The following STPG4 variants were observed in gnomAD, a reference collection of about 807,000 sequenced individuals.
STPG4 encodes the protein sperm-tail PG-rich repeat containing 4, also known as protein STPG4.
In STPG4, 41 loss-of-function variants were observed where a neutral mutation model predicts 31.5. The observed-to-expected ratio is 1.30, with a 90% confidence interval of 1.01 to 1.69. STPG4 has a LOEUF of 1.69. Ranked by LOEUF, STPG4 falls within the 40% of genes most tolerant of loss-of-function variation. The pLI, the probability that STPG4 is intolerant of heterozygous loss-of-function variation, is 0.00. For synonymous variants in STPG4, 141 were observed against 103.0 expected, an observed-to-expected ratio of 1.37 and a Z score of -2.24; for missense variants, 375 against 293.4, an observed-to-expected ratio of 1.28 and a Z score of -2.03.
intron 3 of STPG4, among the ~76,000 whole-genome samples, chr2:47,142,821 A>ATAGATT (rs1377791371): frequency 6.8e-6 from 1 of 147,920 alleles, no homozygotes; most frequent in African/African-American, 2.5e-5. Flanking sequence ...ATCAACACAT[A>ATAGATT]TAGATTTATC....
chr2:47,148,051 A>G (rs1686861637), intron 3 of STPG4, among the ~76,000 whole-genome samples: 1 of 151,662 alleles, frequency 6.6e-6, no homozygotes, highest in Non-Finnish European at 1.5e-5. Flanking sequence ...TCCCGGGTTC[A>G]AGCAATTCTC....
At chr2:47,091,095 G>A (rs895881455) in intron 5 of STPG4, among the ~76,000 whole-genome samples, 1 of 124,742 alleles carries the variant, frequency 8.0e-6, no homozygotes, top group African/African-American at 3.0e-5. Flanking sequence ...GGTTAAGAAA[G>A]AACAGAGAGA....
At chr2:47,106,638 T>C (rs191115024) in intron 5 of STPG4, among the ~76,000 whole-genome samples, 68 of 152,064 alleles carry the variant, frequency 4.5e-4, no homozygotes, top group South Asian at 2.9e-3. Context: ...GGGAAGAGTG[T>C]TGTTTTTACA....
At chr2:47,151,636 T>C (rs956725760) in intron 2 of STPG4, 121 bp from the exon 3 acceptor site, 1 of 774,820 alleles carries the variant, frequency 1.3e-6, no homozygotes, top group Non-Finnish European at 2.1e-6. Flanking sequence ...AATGAAATTA[T>C]ATCAAATACA....
intron 5 of STPG4, among the ~76,000 whole-genome samples, chr2:47,110,573 G>A (rs1412581873): frequency 2.0e-5 from 3 of 152,198 alleles, no homozygotes; most frequent in African/African-American, 4.8e-5. Context: ...CAGCCTGGGC[G>A]ACACTGCAAG....
intron 3 of STPG4, among the ~76,000 whole-genome samples, chr2:47,133,678 A>G (rs1213435820): frequency 7.3e-6 from 1 of 136,508 alleles, no homozygotes; most frequent in Non-Finnish European, 1.5e-5. Context: ...CCCGGGTTCA[A>G]GTGATTCTCC....
At chr2:47,133,646 C>G (rs540108953) in intron 3 of STPG4, among the ~76,000 whole-genome samples, 1 of 123,338 alleles carries the variant, frequency 8.1e-6, no homozygotes, top group Non-Finnish European at 1.6e-5. Context: ...GGCGCAATCT[C>G]GGCTCACCAC....
chr2:47,091,602 T>C (rs1372383860), intron 5 of STPG4, among the ~76,000 whole-genome samples: 1 of 152,236 alleles, frequency 6.6e-6, no homozygotes, highest in Non-Finnish European at 1.5e-5. Flanking sequence ...GATCTGTTTC[T>C]AAATAATGCA....
At chr2:47,112,786 T>C (rs1448419151) in intron 5 of STPG4, among the ~76,000 whole-genome samples, 1 of 152,110 alleles carries the variant, frequency 6.6e-6, no homozygotes, top group Non-Finnish European at 1.5e-5. Flanking sequence ...AATTAAAACT[T>C]TTTTGAAAAT....
At chr2:47,098,366 T>C (rs1215947556) in intron 5 of STPG4, among the ~76,000 whole-genome samples, 1 of 152,226 alleles carries the variant, frequency 6.6e-6, no homozygotes, top group Non-Finnish European at 1.5e-5. Flanking sequence ...GAGGTGCTAA[T>C]ATCTCTATTT....
At chr2:47,102,671 C>T (rs1685824894) in intron 5 of STPG4, among the ~76,000 whole-genome samples, 1 of 151,760 alleles carries the variant, frequency 6.6e-6, no homozygotes, top group African/African-American at 2.4e-5. Flanking sequence ...AATGATAATC[C>T]TTTTCTAATC....
At chr2:47,143,401 ATTAT>A (rs938592782) in intron 3 of STPG4, among the ~76,000 whole-genome samples, 1 of 151,884 alleles carries the variant, frequency 6.6e-6, no homozygotes, top group Non-Finnish European at 1.5e-5. Flanking sequence ...TTCCTCTGTA[ATTAT>A]TTATTAGTTG....
intron 5 of STPG4, among the ~76,000 whole-genome samples, chr2:47,128,239 C>G (rs2347609): frequency 0.85 from 129,494 of 152,078 alleles, 56,023 homozygotes; most frequent in South Asian, 0.95. Flanking sequence ...AGCTGAGGGA[C>G]GGGTGACACA....
intron 5 of STPG4, among the ~76,000 whole-genome samples, chr2:47,097,264 A>C (rs1250234969): frequency 1.3e-5 from 2 of 152,204 alleles, no homozygotes; most frequent in African/African-American, 4.8e-5. Flanking sequence ...ATCTTACTCC[A>C]TAGTAACCAA....
At chr2:47,089,204 G>A (rs1685518801) in intron 6 of STPG4, among the ~76,000 whole-genome samples, 1 of 152,210 alleles carries the variant, frequency 6.6e-6, no homozygotes, top group African/African-American at 2.4e-5. Flanking sequence ...GACCCCGTGG[G>A]CTCCGACAAA....
At chr2:47,109,696 A>G (rs892321196) in intron 5 of STPG4, among the ~76,000 whole-genome samples, 3 of 152,208 alleles carry the variant, frequency 2.0e-5, no homozygotes, top group Non-Finnish European at 2.9e-5. Flanking sequence ...TAGCTTCCAA[A>G]TTCCATTCAA....
At chr2:47,107,816 T>C (rs1395353797) in intron 5 of STPG4, among the ~76,000 whole-genome samples, 1 of 152,054 alleles carries the variant, frequency 6.6e-6, no homozygotes, top group Non-Finnish European at 1.5e-5. Context: ...GCACTCTATC[T>C]AGCTCAAGGT....
In STPG4 at chr2:47,142,544, A is replaced by G. The variant is rs1478406423; in HGVS notation, c.399+8714T>C. On this transcript the variant is annotated intron_variant, in intron 3 of 6. Transcript: ENST00000445927. ...AATTTCGAGTTACTTACAAATGGGCATGATTGAAAGAGTATCATTTACACA... is the reference window on the plus strand; with the variant it reads ...AATTTCGAGTTACTTACAAATGGGCGTGATTGAAAGAGTATCATTTACACA... Among the ~76,000 whole-genome samples the G allele has an allele frequency of 3.9e-5, 6 of 152,190 alleles. No individual in the cohort carries two copies. In the East Asian group the frequency reaches 7.7e-4, roughly 20 times the overall value.
At chr2:47,136,628 A>G (rs17484460) in intron 3 of STPG4, among the ~76,000 whole-genome samples, 39,275 of 152,050 alleles carry the variant, frequency 0.26, 5,236 homozygotes, top group South Asian at 0.31. Flanking sequence ...TAATCCTTCT[A>G]TCATCATGAG....
Sources: allele counts gnomAD v4.1 joint callset (sites outside exome capture counted in the v4.1 genomes callset), GRCh38; gene constraint gnomAD v4.1.1; transcripts MANE v1.5; gene names NCBI Gene and HGNC (gene_info 2026-07-23, HGNC 2026-07-21).